Variants in EHBP1 observed in about 807,000 individuals in gnomAD.
The protein encoded by EHBP1 is EH domain-binding protein 1.
A neutral mutation model predicts 144.0 loss-of-function variants in EHBP1; 55 were observed. That is an observed-to-expected ratio of 0.38 (90% CI 0.31 to 0.48). The LOEUF (loss-of-function observed/expected upper bound fraction) is 0.48. Ranked by LOEUF, EHBP1 falls within the 20% of genes least tolerant of loss-of-function variation. EHBP1 has a pLI of 0.98. For missense variants in EHBP1, 1,200 were observed against 1,364.2 expected, an observed-to-expected ratio of 0.88 and a Z score of 1.90; for synonymous variants, 469 against 472.7, an observed-to-expected ratio of 0.99 and a Z score of 0.10.
chr2:63,038,951 G>A lies in EHBP1; in HGVS notation c.3277+135G>A, dbSNP rs369258748. 5 of 694,122 alleles carry A rather than the reference G, an allele frequency of 7.2e-6. No individual in the cohort carries two copies. In the East Asian group the frequency reaches 1.1e-4, roughly 15 times the overall value. The allele number at this position is 694,122 out of a possible 1,614,324, so 43.0% of individuals were successfully genotyped here. The stretch of plus-strand genomic sequence containing the variant: ...CGGAATTGCAAATAAATGCCGTGGA[G>A]GCAGAAAGCAGTATCCATATAAACT... On this transcript the variant is annotated intron_variant, in intron 21 of 22. Coordinates refer to ENST00000431489, the MANE Select transcript of EHBP1 (RefSeq NM_001142616.3).
intron 2 of EHBP1, among the ~76,000 whole-genome samples, chr2:62,735,004 AG>A (rs1400580199): frequency 6.6e-6 from 1 of 152,118 alleles, no homozygotes; most frequent in East Asian, 1.9e-4. Flanking sequence ...GGGCTCAAGC[AG>A]TCGTCCCACC....
intron 14 of EHBP1, among the ~76,000 whole-genome samples, chr2:62,976,025 T>G (rs907778894): frequency 3.9e-5 from 6 of 152,206 alleles, no homozygotes; most frequent in Non-Finnish European, 8.8e-5. Flanking sequence ...ATTCTTTTCC[T>G]TTAATTACTA....
chr2:62,939,637 C>T (rs1012860208), intron 10 of EHBP1, among the ~76,000 whole-genome samples: 1 of 151,960 alleles, frequency 6.6e-6, no homozygotes, highest in African/African-American at 2.4e-5. Context: ...TGGAGTTAAC[C>T]ATGCAGATAT....
At chr2:62,745,526 C>T (rs2039074114) in intron 2 of EHBP1, among the ~76,000 whole-genome samples, 1 of 151,680 alleles carries the variant, frequency 6.6e-6, no homozygotes. Context: ...AACATTGTAA[C>T]ATTGCAAAGA....
At chr2:62,742,377 T>C (rs1475367704) in intron 2 of EHBP1, among the ~76,000 whole-genome samples, 1 of 152,160 alleles carries the variant, frequency 6.6e-6, no homozygotes, top group African/African-American at 2.4e-5. Context: ...GAGAGACAAC[T>C]GTACTATGTC....
chr2:62,820,212 CA>C (rs1295094411), intron 5 of EHBP1, among the ~76,000 whole-genome samples: 36 of 44,758 alleles, frequency 8.0e-4, no homozygotes, highest in Admixed American at 9.1e-4. Context: ...ACTCTTGTCT[CA>C]AAAAAAAAAA....
At chr2:62,891,889 A>T (rs979922024) in intron 10 of EHBP1, among the ~76,000 whole-genome samples, 1 of 152,158 alleles carries the variant, frequency 6.6e-6, no homozygotes, top group African/African-American at 2.4e-5. Context: ...TCTAATAATG[A>T]TCTTATTGAA....
intron 18 of EHBP1, among the ~76,000 whole-genome samples, chr2:62,996,146 A>C (rs1025928985): frequency 6.6e-6 from 1 of 152,150 alleles, no homozygotes; most frequent in Admixed American, 6.6e-5. Context: ...CATTTTGAAA[A>C]AAAATGTATC....
Position 63,039,190 on chromosome 2 carries a change from C to A in EHBP1, c.3277+374C>A, listed in dbSNP as rs567836466. 5.9e-5 allele frequency among the ~76,000 whole-genome samples: 9 copies of A among 152,212 alleles called. No homozygotes were observed. The South Asian group carries it at 1.9e-3, about 32-fold the overall frequency. On this transcript the variant is annotated intron_variant, in intron 21 of 22. Transcript: ENST00000431489. ...ATCATTTTGATTTTTTACATCCAGACTCTAAATTTTACTTTAATTGATGTC... is the reference window on the plus strand; with the variant it reads ...ATCATTTTGATTTTTTACATCCAGAATCTAAATTTTACTTTAATTGATGTC...
At chr2:62,863,448 A>G (rs2049763653) in intron 8 of EHBP1, among the ~76,000 whole-genome samples, 1 of 152,248 alleles carries the variant, frequency 6.6e-6, no homozygotes, top group Non-Finnish European at 1.5e-5. Flanking sequence ...TCTCAAAAAA[A>G]AATAAAAATG....
At chr2:62,931,055 A>G (rs536683587) in intron 10 of EHBP1, among the ~76,000 whole-genome samples, 18 of 152,328 alleles carry the variant, frequency 1.2e-4, no homozygotes, top group African/African-American at 4.3e-4. Flanking sequence ...TTGTGCCTCA[A>G]AGAACACAAT....
At chr2:62,908,609 GT>G (rs1465736590) in intron 10 of EHBP1, among the ~76,000 whole-genome samples, 1 of 151,916 alleles carries the variant, frequency 6.6e-6, no homozygotes, top group East Asian at 1.9e-4. Flanking sequence ...GATATATTGT[GT>G]TTTTATTTAC....
At chr2:62,691,337 A>G (rs1220907869) in intron 1 of EHBP1, among the ~76,000 whole-genome samples, 1 of 152,150 alleles carries the variant, frequency 6.6e-6, no homozygotes, top group Non-Finnish European at 1.5e-5. Flanking sequence ...CTCATGGTCC[A>G]AGATAGTCGC....
intron 3 of EHBP1, among the ~76,000 whole-genome samples, chr2:62,755,111 C>T (rs1262949516): frequency 1.3e-5 from 2 of 152,226 alleles, no homozygotes; most frequent in African/African-American, 2.4e-5. Flanking sequence ...GGAGCTGTTC[C>T]TATTTGGCCA....
intron 10 of EHBP1, among the ~76,000 whole-genome samples, chr2:62,894,583 G>A (rs1333888689): frequency 1.3e-5 from 2 of 152,170 alleles, no homozygotes; most frequent in Non-Finnish European, 2.9e-5. Context: ...GAGACCATGA[G>A]CACTACTAGT....
intron 5 of EHBP1, among the ~76,000 whole-genome samples, chr2:62,821,428 C>G (rs1332653244): frequency 6.6e-6 from 1 of 152,148 alleles, no homozygotes. Context: ...GTAGCTCACG[C>G]CTGTAATCCT....
rs544468536 is a variant in EHBP1, at chr2:62,919,530, G to A, written c.1186-23188G>A. On this transcript the variant is annotated intron_variant, in intron 10 of 22. Transcript: ENST00000431489. Reference sequence around the variant, plus strand: ...ACAAACAAATAACAGGTGGGGAAAGGGAAGAATCTGATTTCTAGAAGGGAA... The same window carrying A: ...ACAAACAAATAACAGGTGGGGAAAGAGAAGAATCTGATTTCTAGAAGGGAA... Among the ~76,000 whole-genome samples, 15 of 152,208 alleles carry A rather than the reference G, an allele frequency of 9.9e-5. No individual in the cohort carries two copies. In the South Asian group the frequency reaches 3.1e-3, roughly 32 times the overall value.
intron 1 of EHBP1, among the ~76,000 whole-genome samples, chr2:62,685,241 T>C (rs1026006879): frequency 1.3e-5 from 2 of 152,212 alleles, no homozygotes; most frequent in African/African-American, 4.8e-5. Context: ...GATTTAATCA[T>C]TCCACATTGT....
intron 2 of EHBP1, among the ~76,000 whole-genome samples, chr2:62,730,582 A>G (rs2037409435): frequency 1.3e-5 from 2 of 152,092 alleles, no homozygotes; most frequent in African/African-American, 4.8e-5. Flanking sequence ...AAGTTTTGAC[A>G]ATTATGAATA....
Sources: allele counts gnomAD v4.1 joint callset (sites outside exome capture counted in the v4.1 genomes callset), GRCh38; gene constraint gnomAD v4.1.1; transcripts MANE v1.5; gene names NCBI Gene and HGNC (gene_info 2026-07-23, HGNC 2026-07-21).